The following PTPN13 variants were observed in gnomAD, a reference collection of about 807,000 sequenced individuals.
The protein encoded by PTPN13 is protein tyrosine phosphatase non-receptor type 13, also known as tyrosine-protein phosphatase non-receptor type 13.
A neutral mutation model predicts 284.0 loss-of-function variants in PTPN13; 191 were observed. That is an observed-to-expected ratio of 0.67 (90% CI 0.60 to 0.76). PTPN13 has a LOEUF of 0.76. Among genes scored for constraint, PTPN13 ranks in the 30% least tolerant of loss-of-function variants. The pLI, the probability that PTPN13 is intolerant of heterozygous loss-of-function variation, is 0.00. For missense variants in PTPN13, 2,797 were observed against 2,939.9 expected, an observed-to-expected ratio of 0.95 and a Z score of 1.12; for synonymous variants, 986 against 1,022.3, an observed-to-expected ratio of 0.96 and a Z score of 0.68.
Position 86,725,903 on chromosome 4 carries a change from T to C in PTPN13, c.1608+3469T>C, listed in dbSNP as rs745312165. 2.7e-5 allele frequency among the ~76,000 whole-genome samples: 4 copies of C among 149,730 alleles called. 1 individual carries two copies. The highest frequency in any genetic ancestry group is 6.0e-5 in the Non-Finnish European group (4 of 66,712). On this transcript the variant is annotated intron_variant, in intron 10 of 47. Coordinates refer to ENST00000411767, the MANE Select transcript of PTPN13 (RefSeq NM_080683.3). ...CATGAAGTCCTTACCCATCCCCATG[T>C]CCTGAATGGTATTGCCTAGGTTTTC...
intron 1 of PTPN13, among the ~76,000 whole-genome samples, chr4:86,610,401 A>T (rs1331478017): frequency 6.6e-6 from 1 of 152,222 alleles, no homozygotes; most frequent in East Asian, 1.9e-4. Flanking sequence ...TTATGCAGTT[A>T]TTCTCAAAGT....
At chr4:86,713,423 A>T (rs962196874) in intron 7 of PTPN13, among the ~76,000 whole-genome samples, 6 of 152,116 alleles carry the variant, frequency 3.9e-5, no homozygotes, top group Non-Finnish European at 4.4e-5. Context: ...AAATAAAATT[A>T]TTGTTTTCCA....
At chr4:86,778,204 G>A (rs953014205) in intron 35 of PTPN13, among the ~76,000 whole-genome samples, 9 of 152,158 alleles carry the variant, frequency 5.9e-5, no homozygotes, top group African/African-American at 4.8e-5. Flanking sequence ...CCACCTTCTA[G>A]AGACTCCTCA....
At chr4:86,800,720 G>GAGGA (rs372612569) in intron 42 of PTPN13, among the ~76,000 whole-genome samples, 11 of 142,862 alleles carry the variant, frequency 7.7e-5, no homozygotes, top group African/African-American at 2.3e-4. Context: ...GGGAGGGAGG[G>GAGGA]AGGAAGGAAG....
chr4:86,635,850 C>A (rs944059733), intron 2 of PTPN13, among the ~76,000 whole-genome samples: 8 of 152,080 alleles, frequency 5.3e-5, no homozygotes, highest in Admixed American at 2.0e-4. Flanking sequence ...GTAATCCCAG[C>A]TACTCGGGAG....
chr4:86,679,869 TATTCTGTTAG>T (rs1728691572), intron 3 of PTPN13, among the ~76,000 whole-genome samples: 1 of 152,198 alleles, frequency 6.6e-6, no homozygotes, highest in Admixed American at 6.5e-5. Context: ...AGGTAGAAAG[TATTCTGTTAG>T]CCTTCCCAAT....
chr4:86,778,807 A>G (rs752079276), intron 35 of PTPN13, among the ~76,000 whole-genome samples: 14 of 152,088 alleles, frequency 9.2e-5, no homozygotes, highest in Non-Finnish European at 2.1e-4. Flanking sequence ...AACGAGAAAA[A>G]CACACAAAAA....
intron 3 of PTPN13, among the ~76,000 whole-genome samples, chr4:86,673,950 G>C (rs1218793771): frequency 6.6e-6 from 1 of 152,044 alleles, no homozygotes; most frequent in African/African-American, 2.4e-5. Flanking sequence ...CAAGTGATCC[G>C]CCTGCCTCGG....
At chr4:86,609,418 A>C (rs532751457) in intron 1 of PTPN13, among the ~76,000 whole-genome samples, 1 of 152,268 alleles carries the variant, frequency 6.6e-6, no homozygotes, top group African/African-American at 2.4e-5. Context: ...TTTTGCCTCC[A>C]AGTCCCCTTC....
At chr4:86,762,126 T>C (rs1738768303) in intron 23 of PTPN13, among the ~76,000 whole-genome samples, 1 of 152,062 alleles carries the variant, frequency 6.6e-6, no homozygotes, top group Admixed American at 6.6e-5. Flanking sequence ...GTGCACACCA[T>C]CACGCCCAGC....
chr4:86,631,148 T>G (rs1178565334), intron 1 of PTPN13, among the ~76,000 whole-genome samples: 1 of 152,176 alleles, frequency 6.6e-6, no homozygotes, highest in Non-Finnish European at 1.5e-5. Flanking sequence ...TAACGTCTGT[T>G]ATATATCTGT....
intron 7 of PTPN13, among the ~76,000 whole-genome samples, chr4:86,711,995 AT>A (rs1554318525): frequency 2.0e-5 from 3 of 152,162 alleles, no homozygotes; most frequent in Non-Finnish European, 4.4e-5. Context: ...AAATAGTCTG[AT>A]ACATTCTAGT....
intron 14 of PTPN13, 39 bp downstream of exon 14, chr4:86,734,914 G>A (rs753103574): frequency 6.3e-7 from 1 of 1,591,570 alleles, no homozygotes; most frequent in Non-Finnish European, 8.6e-7. Context: ...TTTTTGTTTG[G>A]TGTTGTTACC....
chr4:86,807,900 A>G lies in PTPN13; in HGVS notation c.7083+3A>G. On this transcript the variant is annotated splice_donor_region_variant and intron_variant, in intron 45 of 47. Coordinates refer to ENST00000411767, the MANE Select transcript of PTPN13 (RefSeq NM_080683.3). ...CAATGACCCTTGAAGATATTCAGGTAAGTGAATGAAATCTTTCCCTGTTGG... is the reference window on the plus strand; with the variant it reads ...CAATGACCCTTGAAGATATTCAGGTGAGTGAATGAAATCTTTCCCTGTTGG... The G allele has an allele frequency of 6.2e-7, 1 of 1,600,580 alleles. No individual in the cohort carries two copies. The highest frequency in any genetic ancestry group is 8.5e-7 in the Non-Finnish European group (1 of 1,171,466).
intron 26 of PTPN13, among the ~76,000 whole-genome samples, 195 bp from the exon 27 acceptor site, chr4:86,766,237 C>G (rs1241281630): frequency 6.6e-6 from 1 of 152,176 alleles, no homozygotes; most frequent in Non-Finnish European, 1.5e-5. Context: ...TATAAAGATA[C>G]TGTTCTAAAA....
chr4:86,688,047 A>G (rs1261675428), intron 4 of PTPN13, among the ~76,000 whole-genome samples: 2 of 152,196 alleles, frequency 1.3e-5, no homozygotes, highest in Non-Finnish European at 2.9e-5. Flanking sequence ...ACTGCAACAT[A>G]ATGCAATAAA....
chr4:86,609,155 C>T (rs1393824021), intron 1 of PTPN13, among the ~76,000 whole-genome samples: 1 of 152,140 alleles, frequency 6.6e-6, no homozygotes, highest in African/African-American at 2.4e-5. Flanking sequence ...AATCCTTTCC[C>T]TCAACTGGCT....
intron 5 of PTPN13, among the ~76,000 whole-genome samples, chr4:86,691,409 G>A (rs1730014381): frequency 1.3e-5 from 2 of 151,858 alleles, no homozygotes; most frequent in Admixed American, 6.6e-5. Context: ...AAAAATAGAA[G>A]GATCAGTTGG....
intron 1 of PTPN13, among the ~76,000 whole-genome samples, chr4:86,616,946 G>T (rs1474954724): frequency 4.6e-5 from 7 of 152,138 alleles, no homozygotes; most frequent in African/African-American, 1.7e-4. Flanking sequence ...CAGGACTGAA[G>T]GGGAGAGCGT....
Sources: allele counts gnomAD v4.1 joint callset (sites outside exome capture counted in the v4.1 genomes callset), GRCh38; gene constraint gnomAD v4.1.1; transcripts MANE v1.5; gene names NCBI Gene and HGNC (gene_info 2026-07-23, HGNC 2026-07-21).